Variants in CELSR3 observed in about 807,000 individuals in gnomAD.
CELSR3 encodes the protein EGF-like protein 1.
A neutral mutation model predicts 270.0 loss-of-function variants in CELSR3; 73 were observed. The observed-to-expected ratio is 0.27, with a 90% CI of 0.22 to 0.33. The LOEUF (loss-of-function observed/expected upper bound fraction) is 0.33. Among genes scored for constraint, CELSR3 ranks in the 10% least tolerant of loss-of-function variants. The pLI is 1.00. For missense variants in CELSR3, 3,614 were observed against 4,533.8 expected (o/e 0.80, Z 5.83); for synonymous variants, 1,780 against 1,905.4 (o/e 0.93, Z 1.71).
chr3:48,641,910 C>T lies in CELSR3; in HGVS notation c.8765G>A (p.Arg2922His), dbSNP rs780740673. 3.0e-5 allele frequency: 47 copies of T among 1,587,412 alleles called. No individual in the cohort carries two copies. Among genetic ancestry groups the T allele is most frequent in the Non-Finnish European group, 3.6e-5 (42 of 1,168,282 alleles). ...ESEDNGRTRGRFQRPLCRAAQ... is the reference protein window; with the variant it reads ...ESEDNGRTRGHFQRPLCRAAQ... ...TGCTCGGCAGAGTGGCCGTTGGAAG[C>T]GCCCCCGCGTCCGGCCATTGTCCTC... Residue 2922 changes from arginine (R) to histidine (H), a missense_variant, in exon 32 of 35, where the codon CGC becomes CAC. By Grantham distance (29) the Arg-to-His change is conservative (BLOSUM62 0). Coordinates refer to ENST00000164024, the MANE Select transcript of CELSR3 (RefSeq NM_001407.3). This position sits in a 1 kb window ranked among gnomAD's most constrained non-coding sequence, Gnocchi z 4.8.
rs776543993 is a variant in CELSR3, at chr3:48,653,922, C to G, written c.5234G>C (p.Ser1745Thr). 6.2e-7 allele frequency: 1 copy of G among 1,613,646 alleles called. No individual in the cohort carries two copies. The highest frequency in any genetic ancestry group is 8.5e-7 in the Non-Finnish European group (1 of 1,179,996). Residue 1745 changes from serine (S) to threonine (T), a missense_variant, in exon 8 of 35, where the codon AGC (serine) becomes ACC (threonine). Physicochemically the swap from Ser to Thr is moderately conservative, Grantham distance 58. Transcript: ENST00000164024. The surrounding 1 kb of genome is among the most constrained non-coding windows in gnomAD (Gnocchi z 6.5). ...GCCGAAGCCCACAGGGCAGTCGCAGCTGAAGCTGCCCCAGCGCTCCGAGCA... is the reference window on the plus strand; with the variant it reads ...GCCGAAGCCCACAGGGCAGTCGCAGGTGAAGCTGCCCCAGCGCTCCGAGCA... ...GFCSERWGSF[S>T]CDCPVGFGGK...
intron 34 of CELSR3, among the ~76,000 whole-genome samples, chr3:48,638,796 A>G (rs550496547): frequency 1.3e-5 from 2 of 148,992 alleles, no homozygotes; most frequent in South Asian, 4.3e-4. Context: ...CCCAAGCCCC[A>G]GGATCCCCAA....
rs1212899298 is a variant in CELSR3 at position 48,661,422 on chromosome 3, C to T, written c.1213G>A (p.Ala405Thr). ...AGGCGCGGCGACCCGTGGTCCTGCGCGGTCACACGCAGGTAGTGACGCTCC... is the reference window on the plus strand; with the variant it reads ...AGGCGCGGCGACCCGTGGTCCTGCGTGGTCACACGCAGGTAGTGACGCTCC... ...SMERHYLRVTAQDHGSPRLSA... is the reference protein window; with the variant it reads ...SMERHYLRVTTQDHGSPRLSA... The change falls in exon 1 of 35, where the codon GCG becomes ACG. Residue 405 changes from alanine to threonine, a missense_variant. Physicochemically the swap from Ala to Thr is moderately conservative, Grantham distance 58 (BLOSUM62 0). Transcript: ENST00000164024. 1.2e-6 allele frequency: 2 copies of T among 1,611,878 alleles called. No homozygotes were observed. The highest frequency in any genetic ancestry group is 2.7e-5 in the African/African-American group (2 of 74,898).
chr3:48,638,187 G>A lies in CELSR3; in HGVS notation c.*18C>T, dbSNP rs549551361. On this transcript the variant is annotated 3_prime_UTR_variant, in exon 35 of 35. Coordinates refer to ENST00000164024, the MANE Select transcript of CELSR3 (RefSeq NM_001407.3). ...CCTCTGTCGCCCTCAGCTGTTCCTC[G>A]TCCACGCCGTCATCCCCTCAGGAGT... The A allele has an allele frequency of 1.9e-5, 31 of 1,610,108 alleles. No homozygotes were observed. Among genetic ancestry groups the A allele is most frequent in the Admixed American group, 1.2e-4 (7 of 59,974 alleles).
In CELSR3 at chr3:48,662,492, G is replaced by A. The variant is rs762702998; in HGVS notation, c.143C>T (p.Ala48Val). 3 of 1,612,606 alleles carry A rather than the reference G, an allele frequency of 1.9e-6. No individual in the cohort carries two copies. Among genetic ancestry groups the A allele is most frequent in the Non-Finnish European group, 2.5e-6 (3 of 1,179,804 alleles). Residue 48 changes from alanine to valine, a missense_variant, in exon 1 of 35, where the codon GCC (alanine) becomes GTC (valine). Physicochemically the swap from Ala to Val is moderately conservative, Grantham distance 64 (BLOSUM62 0). Coordinates refer to ENST00000164024, the MANE Select transcript of CELSR3 (RefSeq NM_001407.3). The surrounding 1 kb of genome is among the most constrained non-coding windows in gnomAD (Gnocchi z 7.1). Reference protein sequence around the residue: ...GHQGWDPGLAATTGPRAHIGG... With the variant: ...GHQGWDPGLAVTTGPRAHIGG... ...GATATGCGCCCTTGGCCCCGTAGTG[G>A]CAGCTAAGCCTGGGTCCCAGCCCTG...
chr3:48,656,567 C>T (rs1319306569), intron 2 of CELSR3, 131 bp downstream of exon 2: 2 of 1,289,860 alleles, frequency 1.6e-6, no homozygotes, highest in African/African-American at 1.6e-5. Context: ...CCACGCTCTA[C>T]GGCTTCTGGC....
rs1251750578 is a variant in CELSR3, at chr3:48,662,570, A to T, written c.65T>A (p.Leu22His). ...GCTGAGGGGGAACAAAGAGAGGAGA[A>T]GGAGCAGGAGTATGGGGGTCGACCG... is the stretch of plus-strand genomic sequence containing the variant. ...GGRSTPILLLLLLSLFPLSQE... is the reference protein window; with the variant it reads ...GGRSTPILLLHLLSLFPLSQE... The change falls in exon 1 of 35, where the codon CTT becomes CAT. Residue 22 changes from leucine (L) to histidine (H), a missense_variant. By Grantham distance (99) the Leu-to-His change is moderately conservative. Around this residue, in one of 7 missense-constraint regions of CELSR3, gnomAD observed 470 missense variants for 469.7 expected, o/e 1.00. Transcript: ENST00000164024. The surrounding 1 kb of genome is among the most constrained non-coding windows in gnomAD (Gnocchi z 7.1). 1.9e-6 allele frequency: 3 copies of T among 1,561,082 alleles called. No homozygotes were observed. The Admixed American group carries it at 5.8e-5, about 30-fold the overall frequency.
rs2077033009 is a variant in CELSR3, at chr3:48,657,469, C to T, written c.3749-121G>A. 1 of 1,057,552 alleles carries T rather than the reference C, an allele frequency of 9.5e-7. No homozygotes were observed. The highest frequency in any genetic ancestry group is 1.3e-6 in the Non-Finnish European group (1 of 755,250). The allele number at this position is 1,057,552 out of a possible 1,614,324, so 65.5% of individuals were successfully genotyped here. A position where few individuals can be genotyped will look rare whatever the true frequency, so the allele number is the denominator to read the frequency against. On this transcript the variant is annotated intron_variant, in intron 1 of 34. Coordinates refer to ENST00000164024, the MANE Select transcript of CELSR3 (RefSeq NM_001407.3). This position sits in a 1 kb window ranked among gnomAD's most constrained non-coding sequence, Gnocchi z 5.4. ...CAGAACCTCTAAGTCAGCAGGCTGA[C>T]CCCACCAGGACACAAGGGAGTCTGG...
Position 48,652,118 on chromosome 3 carries a change from G to C in CELSR3, c.5752-70C>G. The C allele has an allele frequency of 1.4e-6, 2 of 1,401,172 alleles. No homozygotes were observed. The highest frequency in any genetic ancestry group is 1.9e-6 in the Non-Finnish European group (2 of 1,060,338). 86.8% of individuals were successfully genotyped at this position (1,401,172 alleles called of 1,614,324 possible). A position where few individuals can be genotyped will look rare whatever the true frequency, so the allele number is the denominator to read the frequency against. On this transcript the variant is annotated intron_variant, in intron 11 of 34. Coordinates refer to ENST00000164024, the MANE Select transcript of CELSR3 (RefSeq NM_001407.3). This position sits in a 1 kb window ranked among gnomAD's most constrained non-coding sequence, Gnocchi z 4.3. ...CTCAGCCTCAAGTACTGCAGAGCCA[G>C]CCACCCGGTCTGATGATCCTTGACA... is the stretch of plus-strand genomic sequence containing the variant.
At chr3:48,649,573 C>T (rs146044488) in intron 16 of CELSR3, among the ~76,000 whole-genome samples, 31 of 152,264 alleles carry the variant, frequency 2.0e-4, no homozygotes, top group African/African-American at 6.3e-4. Flanking sequence ...AGTACGCAGA[C>T]ACACAATGCT....
intron 20 of CELSR3, 88 bp downstream of exon 20, chr3:48,647,751 AAG>A (rs919173771): frequency 7.4e-6 from 10 of 1,358,670 alleles, no homozygotes; most frequent in Non-Finnish European, 9.2e-6. Context: ...GAGGTCTAGA[AAG>A]GGGAAAATTG....
Position 48,650,994 on chromosome 3 carries a change from C to T in CELSR3, c.6268G>A (p.Ala2090Thr). ...CAGGGGCACTGCCCGCTGTGGGGTGCACATGAGCGCGAGGTGGAGCCCACA... is the reference window on the plus strand; with the variant it reads ...CAGGGGCACTGCCCGCTGTGGGGTGTACATGAGCGCGAGGTGGAGCCCACA... Reference protein sequence around the residue: ...YPVGSTSRSCAPHSGQCPCRP... With the variant: ...YPVGSTSRSCTPHSGQCPCRP... The change falls in exon 15 of 35, where the codon GCA (alanine) becomes ACA (threonine). Residue 2090 changes from alanine (A) to threonine (T), a missense_variant. Coordinates refer to ENST00000164024, the MANE Select transcript of CELSR3 (RefSeq NM_001407.3). This position sits in a 1 kb window ranked among gnomAD's most constrained non-coding sequence, Gnocchi z 5.1. 6.2e-7 allele frequency: 1 copy of T among 1,609,630 alleles called. No individual in the cohort carries two copies. Among genetic ancestry groups the T allele is most frequent in the Non-Finnish European group, 8.5e-7 (1 of 1,178,736 alleles).
rs767449268 is a variant in CELSR3, at chr3:48,641,977, A to G, written c.8698T>C (p.Leu2900=). Residue 2900 remains leucine, a synonymous_variant, in exon 32 of 35, where the codon TTG becomes CTG. Coordinates refer to ENST00000164024, the MANE Select transcript of CELSR3 (RefSeq NM_001407.3). This position sits in a 1 kb window ranked among gnomAD's most constrained non-coding sequence, Gnocchi z 4.8. Reference sequence around the variant, plus strand: ...ATGGAGAGACTCCTCTCCTCCTCCAAGGACAGGTCACTGTCAGAGTCGGAG... The same window carrying G: ...ATGGAGAGACTCCTCTCCTCCTCCAGGGACAGGTCACTGTCAGAGTCGGAG... ...ADSDSDSDLS[L]EEERSLSIPS... The G allele has an allele frequency of 6.4e-7, 1 of 1,572,048 alleles. No individual in the cohort carries two copies. The highest frequency in any genetic ancestry group is 2.0e-5 in the Admixed American group (1 of 50,134).
Position 48,641,206 on chromosome 3 carries a change from C to T in CELSR3, c.9025+118G>A, listed in dbSNP as rs2047023283. 1.4e-6 allele frequency: 1 copy of T among 734,950 alleles called. No individual in the cohort carries two copies. The allele number at this position is 734,950 out of a possible 1,614,324, so 45.5% of individuals were successfully genotyped here. A position where few individuals can be genotyped will look rare whatever the true frequency, so the allele number is the denominator to read the frequency against. On this transcript the variant is annotated intron_variant, in intron 33 of 34. Coordinates refer to ENST00000164024, the MANE Select transcript of CELSR3 (RefSeq NM_001407.3). The surrounding 1 kb of genome is among the most constrained non-coding windows in gnomAD (Gnocchi z 4.8). ...GAAGCAGGCTAGAGAAGCAGAAGCGCCCTAGGTCAGAGTAAGAAGAGCTCT... is the reference window on the plus strand; with the variant it reads ...GAAGCAGGCTAGAGAAGCAGAAGCGTCCTAGGTCAGAGTAAGAAGAGCTCT...
In CELSR3 at chr3:48,640,842, G is replaced by C; in HGVS notation, c.9026-283C>G. 1.9e-6 allele frequency: 1 copy of C among 521,742 alleles called. No individual in the cohort carries two copies. The highest frequency in any genetic ancestry group is 3.4e-6 in the Non-Finnish European group (1 of 295,180). The allele number at this position is 521,742 out of a possible 1,614,324, so 32.3% of individuals were successfully genotyped here. ...TGGGGCAAACTCCCTGAGGTCAGAA[G>C]AGGGGCAGCCCTCAGGTCCTGACAA... On this transcript the variant is annotated intron_variant, in intron 33 of 34. Transcript: ENST00000164024. This position sits in a 1 kb window ranked among gnomAD's most constrained non-coding sequence, Gnocchi z 7.5.
chr3:48,641,096 G>A lies in CELSR3; in HGVS notation c.9025+228C>T. The A allele has an allele frequency of 3.6e-6, 2 of 557,366 alleles. No individual in the cohort carries two copies. The highest frequency in any genetic ancestry group is 2.3e-5 in the South Asian group (1 of 43,904). 34.5% of individuals were successfully genotyped at this position (557,366 alleles called of 1,614,324 possible). A position where few individuals can be genotyped will look rare whatever the true frequency, so the allele number is the denominator to read the frequency against. On this transcript the variant is annotated intron_variant, in intron 33 of 34. Coordinates refer to ENST00000164024, the MANE Select transcript of CELSR3 (RefSeq NM_001407.3). This position sits in a 1 kb window ranked among gnomAD's most constrained non-coding sequence, Gnocchi z 4.8. ...CAGATGGGCTGGGGCAGGAGTGGTCGCCTGTGGTCCCCCTGTGGTGCTGGC... is the reference window on the plus strand; with the variant it reads ...CAGATGGGCTGGGGCAGGAGTGGTCACCTGTGGTCCCCCTGTGGTGCTGGC...
chr3:48,656,055 G>T, intron 3 of CELSR3, 85 bp downstream of exon 3: 1 of 1,373,770 alleles, frequency 7.3e-7, no homozygotes, highest in Non-Finnish European at 9.9e-7. Context: ...TCATGGGGAT[G>T]CCAGGACGGG....
chr3:48,648,261 CG>C lies in CELSR3; in HGVS notation c.6973+4del. On this transcript the variant is annotated splice_donor_region_variant and intron_variant, in intron 19 of 34. Transcript: ENST00000164024. ...GTGCCCCGCCCTACCCCACCCACAA[CG>C]CACTGATATTAGGCGTCACCAGCCC... 1.5e-6 allele frequency: 1 copy of C among 684,298 alleles called. No homozygotes were observed. The highest frequency in any genetic ancestry group is 2.5e-6 in the Non-Finnish European group (1 of 399,416). 42.4% of individuals were successfully genotyped at this position (684,298 alleles called of 1,614,324 possible).
intron 34 of CELSR3, among the ~76,000 whole-genome samples, chr3:48,638,629 C>T (rs1272759403): frequency 6.6e-6 from 1 of 152,098 alleles, no homozygotes; most frequent in Non-Finnish European, 1.5e-5. Context: ...TAAGGTAAGA[C>T]ACAGAGCTCA....
Sources: gnomAD v4.1 joint callset for allele counts (sites outside exome capture counted in the v4.1 genomes callset) on GRCh38, gnomAD v4.1.1 for gene constraint, gnomAD v4.1.1 regional missense constraint, Gnocchi (gnomAD v3.1) non-coding constraint, MANE v1.5 for transcripts, NCBI Gene and HGNC (gene_info 2026-07-23, HGNC 2026-07-21) for gene names.